CSMD1: variants seen among roughly 807,000 people sequenced by gnomAD.
CSMD1 encodes CUB and Sushi multiple domains 1.
In CSMD1, 213 loss-of-function variants were observed where a neutral mutation model predicts 417.5. The observed-to-expected ratio is 0.51, with a 90% CI of 0.46 to 0.57. The LOEUF (loss-of-function observed/expected upper bound fraction) is 0.57. CSMD1 is among the 20% of genes least tolerant of loss of function. CSMD1 has a pLI of 0.00. For synonymous variants in CSMD1, 2,862 were observed against 1,736.8 expected (o/e 1.65, Z -16.11); for missense variants, 6,923 against 4,529.7 (o/e 1.53, Z -15.17).
rs561131601 is a variant in CSMD1 at position 4,742,220 on chromosome 8, C to T, written c.86-104662G>A. On this transcript the variant is annotated intron_variant, in intron 1 of 69. Coordinates refer to ENST00000635120, the MANE Select transcript of CSMD1 (RefSeq NM_033225.6). ...TAATTTTTTGTATTTTTAGTAGAGA[C>T]GGGGTTTCACCTTGTTAGCCAGGAT... is the stretch of plus-strand genomic sequence containing the variant. 3.3e-3 allele frequency among the ~76,000 whole-genome samples: 499 copies of T among 150,494 alleles called. 4 individuals are homozygous for T. The highest frequency in any genetic ancestry group is 0.012 in the African/African-American group (481 of 41,078).
intron 11 of CSMD1, among the ~76,000 whole-genome samples, chr8:3,481,490 T>G (rs77234512): frequency 6.6e-6 from 1 of 152,284 alleles, no homozygotes; most frequent in South Asian, 2.1e-4. Context: ...TTAGTTGTAG[T>G]AAGATAAATA....
At chr8:3,387,822 G>T in intron 17 of CSMD1, 140 bp from the exon 18 acceptor site, 1 of 679,526 alleles carries the variant, frequency 1.5e-6, no homozygotes, top group Non-Finnish European at 2.4e-6. Flanking sequence ...ACAATCCATG[G>T]ACATAAAAGC....
At chr8:3,918,795 A>C (rs960634874) in intron 5 of CSMD1, among the ~76,000 whole-genome samples, 1 of 152,114 alleles carries the variant, frequency 6.6e-6, no homozygotes, top group Non-Finnish European at 1.5e-5. Context: ...CAAACATTTT[A>C]TGTTCTCATT....
chr8:3,249,064 A>G (rs1800083548), intron 26 of CSMD1, among the ~76,000 whole-genome samples: 1 of 152,176 alleles, frequency 6.6e-6, no homozygotes. Flanking sequence ...TGCAGCGTAC[A>G]GTGGGTTCTC....
chr8:4,114,894 C>T (rs988049899), intron 3 of CSMD1, among the ~76,000 whole-genome samples: 2 of 152,176 alleles, frequency 1.3e-5, no homozygotes, highest in Non-Finnish European at 2.9e-5. Context: ...GGAATTGCTT[C>T]TTCCAGATAA....
chr8:4,898,175 G>T (rs1459758487), intron 1 of CSMD1, among the ~76,000 whole-genome samples: 2 of 152,106 alleles, frequency 1.3e-5, no homozygotes, highest in African/African-American at 4.8e-5. Context: ...AGGGAGGAAT[G>T]CCCAGCGTGC....
chr8:4,429,860 G>C (rs927126063), intron 2 of CSMD1, among the ~76,000 whole-genome samples: 1 of 152,100 alleles, frequency 6.6e-6, no homozygotes, highest in Non-Finnish European at 1.5e-5. Flanking sequence ...ATTCAGTTAA[G>C]TTCTATGAAA....
intron 5 of CSMD1, among the ~76,000 whole-genome samples, chr8:3,856,137 G>C (rs1167947431): frequency 6.6e-6 from 1 of 152,046 alleles, no homozygotes; most frequent in African/African-American, 2.4e-5. Flanking sequence ...GGCTTGGTGG[G>C]AGGTGACTGG....
chr8:2,992,060 A>T (rs1024315279), intron 54 of CSMD1, among the ~76,000 whole-genome samples: 1 of 152,242 alleles, frequency 6.6e-6, no homozygotes, highest in South Asian at 2.1e-4. Context: ...ATGTATAGCA[A>T]TTCTTTCAAT....
chr8:4,314,914 C>T (rs1170484039), intron 3 of CSMD1, among the ~76,000 whole-genome samples: 1 of 152,136 alleles, frequency 6.6e-6, no homozygotes, highest in African/African-American at 2.4e-5. Flanking sequence ...CCTAAAAACA[C>T]AGAGATTATA....
intron 7 of CSMD1, among the ~76,000 whole-genome samples, chr8:3,628,783 G>T (rs912892771): frequency 2.6e-5 from 4 of 152,112 alleles, no homozygotes; most frequent in Admixed American, 1.3e-4. Flanking sequence ...ATTATTAGTG[G>T]CTTCCTAGTT....
At chr8:4,686,601 G>A (rs1205932447) in intron 1 of CSMD1, among the ~76,000 whole-genome samples, 8 of 152,204 alleles carry the variant, frequency 5.3e-5, no homozygotes, top group African/African-American at 1.4e-4. Flanking sequence ...CCAGTCTCAC[G>A]TCCCGACGTC....
chr8:3,513,009 A>C (rs5028046), intron 10 of CSMD1, among the ~76,000 whole-genome samples: 10 of 151,866 alleles, frequency 6.6e-5, no homozygotes, highest in Non-Finnish European at 1.3e-4. Context: ...GCATGCTTGA[A>C]AGATCATTTA....
intron 3 of CSMD1, among the ~76,000 whole-genome samples, chr8:4,058,155 C>T (rs753277749): frequency 1.3e-5 from 2 of 152,158 alleles, no homozygotes; most frequent in African/African-American, 2.4e-5. Context: ...ATTGACTCTT[C>T]CTACCCATGA....
chr8:3,179,105 C>T (rs1429251023), intron 37 of CSMD1, among the ~76,000 whole-genome samples: 1 of 151,496 alleles, frequency 6.6e-6, no homozygotes, highest in Non-Finnish European at 1.5e-5. Context: ...GCCACCACGC[C>T]TGGCTAATTC....
intron 1 of CSMD1, among the ~76,000 whole-genome samples, chr8:4,782,879 A>T (rs1482568256): frequency 6.6e-6 from 1 of 151,552 alleles, no homozygotes; most frequent in East Asian, 2.0e-4. Context: ...AAGCTTTATG[A>T]TGTACATGTT....
intron 1 of CSMD1, among the ~76,000 whole-genome samples, chr8:4,799,792 A>T (rs192203135): frequency 1.3e-5 from 2 of 152,214 alleles, no homozygotes; most frequent in Admixed American, 6.5e-5. Context: ...CTCTTTAAAA[A>T]AAAAAGTGAC....
intron 2 of CSMD1, among the ~76,000 whole-genome samples, chr8:4,477,883 A>G (rs1297343906): frequency 2.0e-5 from 3 of 152,192 alleles, no homozygotes; most frequent in Admixed American, 6.5e-5. Context: ...CATAATCCTC[A>G]TTTATAACTG....
At chr8:3,241,910 G>C (rs920915855) in intron 26 of CSMD1, among the ~76,000 whole-genome samples, 1 of 151,302 alleles carries the variant, frequency 6.6e-6, no homozygotes, top group Non-Finnish European at 1.5e-5. Flanking sequence ...TTTAATTTTT[G>C]GAGTTTTATT....
Sources: gnomAD v4.1 joint callset for allele counts (sites outside exome capture counted in the v4.1 genomes callset) on GRCh38, gnomAD v4.1.1 for gene constraint, MANE v1.5 for transcripts, NCBI Gene and HGNC (gene_info 2026-07-23, HGNC 2026-07-21) for gene names.